Variants in IL1RAPL2 observed in about 807,000 individuals in gnomAD.
IL1RAPL2 encodes the protein interleukin 1 receptor accessory protein like 2.
A neutral mutation model predicts 44.1 loss-of-function variants in IL1RAPL2; 3 were observed. That is an observed-to-expected ratio of 0.07 (90% confidence interval 0.03 to 0.18). The LOEUF is 0.18. Ranked by LOEUF, IL1RAPL2 falls within the 10% of genes least tolerant of loss-of-function variation. The pLI is 1.00. For synonymous variants in IL1RAPL2, 181 were observed against 178.8 expected, an observed-to-expected ratio of 1.01 and a Z score of -0.10; for missense variants, 391 against 496.4, an observed-to-expected ratio of 0.79 and a Z score of 2.02.
chrX:105,196,397 A>G (rs1052121144), intron 3 of IL1RAPL2, among the ~76,000 whole-genome samples: 1 of 111,999 alleles, frequency 8.9e-6, no homozygotes, highest in Non-Finnish European at 1.9e-5. Flanking sequence ...TGACTCAATT[A>G]TCTTGATATC....
intron 2 of IL1RAPL2, among the ~76,000 whole-genome samples, chrX:105,191,209 T>TTTTGTTTG (rs199596357): frequency 8.9e-6 from 1 of 111,980 alleles, no homozygotes; most frequent in Admixed American, 9.4e-5. Flanking sequence ...TATTAAAGCA[T>TTTTGTTTG]TTTGTTTGTT....
At chrX:104,626,850 T>C (rs1439532175) in intron 1 of IL1RAPL2, among the ~76,000 whole-genome samples, 1 of 105,474 alleles carries the variant, frequency 9.5e-6, no homozygotes, top group Non-Finnish European at 2.0e-5. Flanking sequence ...AGACAGAGTC[T>C]CACTCTGTCT....
intron 5 of IL1RAPL2, among the ~76,000 whole-genome samples, chrX:105,384,981 A>C (rs1202616121): frequency 9.0e-6 from 1 of 111,453 alleles, no homozygotes; most frequent in African/African-American, 3.3e-5. Context: ...GAATTTGTTT[A>C]TCAGTTCTAA....
chrX:105,565,091 T>G (rs2147808342), intron 6 of IL1RAPL2, among the ~76,000 whole-genome samples: 1 of 112,093 alleles, frequency 8.9e-6, no homozygotes, highest in African/African-American at 3.2e-5. Context: ...GCTATTACAG[T>G]GGCTATTGTT....
intron 2 of IL1RAPL2, among the ~76,000 whole-genome samples, chrX:105,021,587 G>C (rs1296977283): frequency 1.8e-5 from 2 of 111,174 alleles, no homozygotes; most frequent in African/African-American, 6.5e-5. Context: ...ATTATTTAGT[G>C]TACAGGGGAA....
At chrX:104,928,250 T>G (rs780025356) in intron 2 of IL1RAPL2, among the ~76,000 whole-genome samples, 48 of 111,817 alleles carry the variant, frequency 4.3e-4, no homozygotes, top group Non-Finnish European at 7.3e-4. Context: ...ATTGTAGATC[T>G]TATTAATTTT....
intron 2 of IL1RAPL2, among the ~76,000 whole-genome samples, chrX:104,891,987 G>T (rs1260664826): frequency 9.0e-6 from 1 of 111,471 alleles, no homozygotes; most frequent in African/African-American, 3.3e-5. Flanking sequence ...CTAATTTATT[G>T]ATAGTCTTTA....
chrX:104,948,381 C>T (rs1312897702), intron 2 of IL1RAPL2, among the ~76,000 whole-genome samples: 2 of 105,721 alleles, frequency 1.9e-5, no homozygotes, highest in Non-Finnish European at 3.9e-5. Context: ...AATTTGACTT[C>T]CTCTTTTCCT....
intron 2 of IL1RAPL2, among the ~76,000 whole-genome samples, chrX:105,127,374 A>G: frequency 9.0e-6 from 1 of 111,351 alleles, no homozygotes. Flanking sequence ...ATGGTTTATT[A>G]TTTTAATTTA....
intron 6 of IL1RAPL2, among the ~76,000 whole-genome samples, chrX:105,660,855 G>A (rs1213363956): frequency 4.5e-5 from 5 of 110,703 alleles, no homozygotes; most frequent in African/African-American, 1.6e-4. Context: ...AGACAGAAAG[G>A]AAGGAAAAAA....
chrX:105,200,612 A>G (rs1195694045), intron 3 of IL1RAPL2, among the ~76,000 whole-genome samples: 1 of 112,280 alleles, frequency 8.9e-6, no homozygotes, highest in East Asian at 2.8e-4. Context: ...GAATTCACAG[A>G]TATTGAAAAG....
chrX:104,761,923 CCTTCTTCTT>C (rs759437149), intron 2 of IL1RAPL2, among the ~76,000 whole-genome samples: 562 of 30,714 alleles, frequency 0.018, 46 homozygotes, highest in South Asian at 0.045. Flanking sequence ...TTCTCCTTCT[CCTTCTTCTT>C]CTTCTTCTTC....
intron 6 of IL1RAPL2, among the ~76,000 whole-genome samples, chrX:105,556,421 A>G (rs1038278603): frequency 5.4e-5 from 6 of 111,234 alleles, no homozygotes; most frequent in African/African-American, 2.0e-4. Context: ...TAGAACACAA[A>G]ACTCCATCTT....
chrX:105,079,526 G>C (rs1239735052), intron 2 of IL1RAPL2, among the ~76,000 whole-genome samples: 1 of 109,552 alleles, frequency 9.1e-6, no homozygotes, highest in Non-Finnish European at 1.9e-5. Context: ...CAAAGGACAT[G>C]AACTCATCCT....
At chrX:104,756,027 T>C (rs1459130464) in intron 2 of IL1RAPL2, among the ~76,000 whole-genome samples, 1 of 111,544 alleles carries the variant, frequency 9.0e-6, no homozygotes, top group Admixed American at 9.6e-5. Context: ...GCAAGAGTCA[T>C]GTGAAAGTGA....
chrX:104,920,903 A>T (rs1016825644), intron 2 of IL1RAPL2, among the ~76,000 whole-genome samples: 3 of 110,849 alleles, frequency 2.7e-5, no homozygotes, highest in African/African-American at 9.9e-5. Flanking sequence ...ATCTTTTGAG[A>T]CAAAACACTG....
intron 2 of IL1RAPL2, among the ~76,000 whole-genome samples, chrX:105,190,660 GA>G (rs1424798752): frequency 2.2e-3 from 242 of 109,907 alleles, no homozygotes; most frequent in African/African-American, 7.6e-3. Context: ...CCAATTTGGG[GA>G]AAAAAAAATC....
intron 6 of IL1RAPL2, among the ~76,000 whole-genome samples, chrX:105,582,208 ACT>A (rs2037093991): frequency 9.0e-6 from 1 of 111,657 alleles, no homozygotes; most frequent in Admixed American, 9.5e-5. Context: ...TAAATATCAC[ACT>A]GTCTTGAATG....
intron 2 of IL1RAPL2, among the ~76,000 whole-genome samples, chrX:104,994,605 G>A (rs759077627): frequency 1.1e-3 from 117 of 111,313 alleles, no homozygotes; most frequent in African/African-American, 3.7e-3. Context: ...AGTCCAAATG[G>A]GTAAAGCATA....
Sources: gnomAD v4.1 joint callset for allele counts (sites outside exome capture counted in the v4.1 genomes callset) on GRCh38, gnomAD v4.1.1 for gene constraint, MANE v1.5 for transcripts, NCBI Gene and HGNC (gene_info 2026-07-23, HGNC 2026-07-21) for gene names.